The following PRKG1 variants were observed in gnomAD, a reference collection of about 807,000 sequenced individuals.
The protein encoded by PRKG1 is protein kinase cGMP-dependent 1.
Under a neutral mutation model 88.1 loss-of-function variants are expected in PRKG1, and 35 were observed. The ratio of observed to expected loss-of-function variants is 0.40; its 90% CI spans 0.30 to 0.53. The LOEUF (loss-of-function observed/expected upper bound fraction) is 0.53. Among genes scored for constraint, PRKG1 ranks in the 20% least tolerant of loss-of-function variants. PRKG1 has a pLI of 0.59. For missense variants in PRKG1, 540 were observed against 839.8 expected, an observed-to-expected ratio of 0.64 and a Z score of 4.41; for synonymous variants, 303 against 292.5, an observed-to-expected ratio of 1.04 and a Z score of -0.37.
At chr10:52,087,081 A>T (rs1368722922) in intron 7 of PRKG1, among the ~76,000 whole-genome samples, 1 of 152,066 alleles carries the variant, frequency 6.6e-6, no homozygotes, top group Non-Finnish European at 1.5e-5. Context: ...ACAATTCAAG[A>T]TGATATTTGG....
chr10:52,230,393 T>C (rs963122924), intron 9 of PRKG1, among the ~76,000 whole-genome samples: 1 of 152,238 alleles, frequency 6.6e-6, no homozygotes, highest in Non-Finnish European at 1.5e-5. Context: ...TTATTATTAT[T>C]ACTAATGATT....
chr10:52,178,775 A>G (rs1248821290), intron 9 of PRKG1, among the ~76,000 whole-genome samples: 1 of 151,746 alleles, frequency 6.6e-6, no homozygotes. Flanking sequence ...GGAGTTTATG[A>G]CTTAAATCTT....
chr10:51,397,924 G>T (rs920039885), intron 2 of PRKG1, among the ~76,000 whole-genome samples: 8 of 152,134 alleles, frequency 5.3e-5, no homozygotes, highest in Non-Finnish European at 1.0e-4. Flanking sequence ...ATTTCAATTT[G>T]CAAGTGAGCA....
At chr10:51,122,680 C>A (rs936751998) in intron 1 of PRKG1, among the ~76,000 whole-genome samples, 1 of 152,160 alleles carries the variant, frequency 6.6e-6, no homozygotes, top group Non-Finnish European at 1.5e-5. Context: ...TGACATCCAG[C>A]AACTGATCTG....
At position 51,035,169 on chromosome 10, in the gene PRKG1, A is replaced by G. The variant is rs1843337944; in HGVS notation, c.266+43525A>G. On this transcript the variant is annotated intron_variant, in intron 1 of 17. Transcript: ENST00000401604. Reference sequence around the variant, plus strand: ...ATCTTGGCTCCCTTATGGATGAGCAATGCAATCTTAACCTTGACTGCTCTG... The same window carrying G: ...ATCTTGGCTCCCTTATGGATGAGCAGTGCAATCTTAACCTTGACTGCTCTG... Among the ~76,000 whole-genome samples, 3 of 152,186 alleles carry G rather than the reference A, an allele frequency of 2.0e-5. No homozygotes were observed. The South Asian group carries it at 6.2e-4, about 32-fold the overall frequency.
At chr10:51,934,357 C>A (rs1351581069) in intron 5 of PRKG1, among the ~76,000 whole-genome samples, 1 of 151,902 alleles carries the variant, frequency 6.6e-6, no homozygotes, top group African/African-American at 2.4e-5. Flanking sequence ...ATTCTACACA[C>A]CCTCAGTTTT....
intron 4 of PRKG1, among the ~76,000 whole-genome samples, chr10:51,883,283 G>A (rs1265507094): frequency 2.0e-5 from 3 of 152,160 alleles, no homozygotes; most frequent in African/African-American, 7.2e-5. Context: ...ACTTGCAGAT[G>A]GCAGATTGTG....
At chr10:51,805,762 G>T (rs1409790353) in intron 4 of PRKG1, among the ~76,000 whole-genome samples, 1 of 151,892 alleles carries the variant, frequency 6.6e-6, no homozygotes, top group Non-Finnish European at 1.5e-5. Context: ...TTTTCTTACT[G>T]CTTCATCTTT....
In PRKG1 at chr10:50,991,861, G is replaced by A. The variant is rs1022060854; in HGVS notation, c.266+217G>A. On this transcript the variant is annotated intron_variant, in intron 1 of 17. Coordinates refer to the PRKG1 transcript ENST00000401604. The surrounding 1 kb of genome is among the most constrained non-coding windows in gnomAD (Gnocchi z 4.5). The stretch of plus-strand genomic sequence containing the variant: ...TTGTCTCCGCCGGGCTGGGAAAGGC[G>A]AGCTGCACGGGGAGACGCGCCCCTG... Among the ~76,000 whole-genome samples, 2 of 152,166 alleles carry A rather than the reference G, an allele frequency of 1.3e-5. No individual in the cohort carries two copies. The highest frequency in any genetic ancestry group is 2.9e-5 in the Non-Finnish European group (2 of 68,006).
At chr10:51,763,603 C>CAAA (rs34657565) in intron 3 of PRKG1, among the ~76,000 whole-genome samples, 26 of 124,046 alleles carry the variant, frequency 2.1e-4, no homozygotes, top group African/African-American at 7.7e-4. Flanking sequence ...TGATCAAATG[C>CAAA]AAAAAAAAAA....
chr10:51,898,518 A>T (rs1166257029), intron 4 of PRKG1, among the ~76,000 whole-genome samples: 2 of 152,140 alleles, frequency 1.3e-5, no homozygotes, highest in African/African-American at 2.4e-5. Context: ...AATTAATTAA[A>T]CAACAATTTT....
At chr10:52,091,169 G>C (rs914630747) in intron 7 of PRKG1, among the ~76,000 whole-genome samples, 1 of 152,116 alleles carries the variant, frequency 6.6e-6, no homozygotes, top group Non-Finnish European at 1.5e-5. Context: ...AGGTCATTCC[G>C]GTTGTTGGCA....
At chr10:52,026,062 T>C (rs1201477527) in intron 5 of PRKG1, among the ~76,000 whole-genome samples, 1 of 151,814 alleles carries the variant, frequency 6.6e-6, no homozygotes, top group African/African-American at 2.4e-5. Flanking sequence ...AAACAAGCAA[T>C]GGGGACAGGA....
At chr10:51,408,106 C>T (rs1837975823) in intron 2 of PRKG1, among the ~76,000 whole-genome samples, 1 of 152,172 alleles carries the variant, frequency 6.6e-6, no homozygotes, top group African/African-American at 2.4e-5. Context: ...GCCACTTCCA[C>T]TTCCACCCCT....
intron 2 of PRKG1, among the ~76,000 whole-genome samples, chr10:51,187,217 A>G (rs1340079253): frequency 6.6e-6 from 1 of 151,704 alleles, no homozygotes; most frequent in Admixed American, 6.6e-5. Context: ...ATCCAAATAT[A>G]TGAAGTTCAC....
chr10:51,450,200 T>A (rs1311177556), intron 2 of PRKG1, among the ~76,000 whole-genome samples: 1 of 151,980 alleles, frequency 6.6e-6, no homozygotes. Flanking sequence ...AAAAAGTTCT[T>A]CAGTAATAGA....
intron 9 of PRKG1, among the ~76,000 whole-genome samples, chr10:52,224,881 T>G (rs1472318875): frequency 6.8e-6 from 1 of 146,864 alleles, no homozygotes; most frequent in Admixed American, 6.9e-5. Flanking sequence ...ATCCACTCAT[T>G]GATTGATGGG....
intron 3 of PRKG1, among the ~76,000 whole-genome samples, chr10:51,658,290 G>A (rs538278881): frequency 6.6e-6 from 1 of 152,162 alleles, no homozygotes; most frequent in South Asian, 2.1e-4. Flanking sequence ...GGAGAAAGAG[G>A]ATCTGGCCTC....
intron 7 of PRKG1, among the ~76,000 whole-genome samples, chr10:52,096,433 T>C (rs1748835722): frequency 6.6e-6 from 1 of 152,186 alleles, no homozygotes; most frequent in South Asian, 2.1e-4. Context: ...TTTCTGAGTT[T>C]TTGAATCTTG....
Sources: gnomAD v4.1 joint callset for allele counts (sites outside exome capture counted in the v4.1 genomes callset) on GRCh38, gnomAD v4.1.1 for gene constraint, Gnocchi (gnomAD v3.1) non-coding constraint, MANE v1.5 for transcripts, NCBI Gene and HGNC (gene_info 2026-07-23, HGNC 2026-07-21) for gene names.